The following FUBP3 variants were observed in gnomAD, a reference collection of about 807,000 sequenced individuals.
FUBP3 encodes far upstream element-binding protein 3.
A neutral mutation model predicts 85.6 loss-of-function variants in FUBP3; 28 were observed. That is an observed-to-expected ratio of 0.33 (90% CI 0.24 to 0.45). The LOEUF (loss-of-function observed/expected upper bound fraction) is 0.45, where lower values mean the gene tolerates loss of function less well. Among genes scored for constraint, FUBP3 ranks in the 20% least tolerant of loss-of-function variants. The pLI is 1.00. For synonymous variants in FUBP3, 271 were observed against 271.4 expected (o/e 1.00, Z 0.01); for missense variants, 583 against 755.1 (o/e 0.77, Z 2.67).
intron 1 of FUBP3, among the ~76,000 whole-genome samples, chr9:130,588,228 C>G (rs1173756519): frequency 6.6e-6 from 1 of 152,180 alleles, no homozygotes. Flanking sequence ...CTGGTTCTGC[C>G]ACTTAACTAG....
intron 2 of FUBP3, among the ~76,000 whole-genome samples, chr9:130,596,848 G>T (rs139226106): frequency 2.0e-5 from 3 of 152,292 alleles, no homozygotes; most frequent in African/African-American, 7.2e-5. Context: ...GGCCTGCAAT[G>T]TGAAATAAGC....
At chr9:130,600,906 G>A (rs1480092467) in intron 2 of FUBP3, among the ~76,000 whole-genome samples, 1 of 152,068 alleles carries the variant, frequency 6.6e-6, no homozygotes, top group African/African-American at 2.4e-5. Context: ...AGCCTGGGAG[G>A]TCAAGACCAC....
At position 130,630,907 on chromosome 9, in the gene FUBP3, C is replaced by T. The variant is rs116311101; in HGVS notation, c.1278+119C>T. On this transcript the variant is annotated intron_variant, in intron 13 of 18. Coordinates refer to ENST00000319725, the MANE Select transcript of FUBP3 (RefSeq NM_003934.2). ...TGTGCCTGTGGGTTCTCACATCACA[C>T]GAGGGCAAGCCCCCTCCTGCTTTGC... The T allele has an allele frequency of 2.9e-4, 220 of 770,042 alleles. No individual in the cohort carries two copies. The African/African-American group carries it at 3.7e-3, about 13-fold the overall frequency. The allele number at this position is 770,042 out of a possible 1,614,324, so 47.7% of individuals were successfully genotyped here.
intron 11 of FUBP3, 100 bp downstream of exon 11, chr9:130,623,811 G>A (rs967466772): frequency 1.8e-5 from 11 of 624,556 alleles, no homozygotes; most frequent in African/African-American, 3.8e-5. Context: ...ACCCTGAGGC[G>A]TCTCAAGTCA....
chr9:130,595,792 G>A (rs1217719409), intron 2 of FUBP3, among the ~76,000 whole-genome samples: 7 of 152,240 alleles, frequency 4.6e-5, no homozygotes, highest in Middle Eastern at 6.8e-3. Flanking sequence ...AAATCTTTTC[G>A]CTGGGCTCTG....
chr9:130,606,683 A>G (rs1184449261), intron 2 of FUBP3, among the ~76,000 whole-genome samples: 8 of 152,070 alleles, frequency 5.3e-5, no homozygotes, highest in East Asian at 1.9e-4. Context: ...AGCCGGGCGT[A>G]GTGGCGCATG....
intron 12 of FUBP3, among the ~76,000 whole-genome samples, chr9:130,628,779 A>AT (rs1312275897): frequency 3.3e-5 from 5 of 150,894 alleles, no homozygotes; most frequent in Admixed American, 6.6e-5. Context: ...ATTTTTTTTT[A>AT]TTTTTTTGAG....
chr9:130,604,791 G>A (rs185201587), intron 2 of FUBP3, among the ~76,000 whole-genome samples: 6 of 152,034 alleles, frequency 3.9e-5, no homozygotes, highest in Admixed American at 1.3e-4. Context: ...CCAGCTACTC[G>A]GGAGGCTGAG....
intron 1 of FUBP3, among the ~76,000 whole-genome samples, chr9:130,591,885 A>G (rs1318398181): frequency 6.6e-6 from 1 of 152,200 alleles, no homozygotes; most frequent in Non-Finnish European, 1.5e-5. Flanking sequence ...AAACTACTAC[A>G]TACGTTAGAA....
chr9:130,579,629 A>AGCGGCGGCGTCGGCGGCGTCGGCG lies in FUBP3; in HGVS notation c.-42_-19dup. 5 of 1,121,070 alleles carry AGCGGCGGCGTCGGCGGCGTCGGCG rather than the reference A, an allele frequency of 4.5e-6. No homozygotes were observed. Among genetic ancestry groups the AGCGGCGGCGTCGGCGGCGTCGGCG allele is most frequent in the Non-Finnish European group, 5.6e-6 (5 of 886,314 alleles). The allele number at this position is 1,121,070 out of a possible 1,614,324, so 69.4% of individuals were successfully genotyped here. A position where few individuals can be genotyped will look rare whatever the true frequency, so the allele number is the denominator to read the frequency against. The stretch of plus-strand genomic sequence containing the variant: ...AGCGGGAGGCCGGACCGGGGAGCCG[A>AGCGGCGGCGTCGGCGGCGTCGGCG]GCGGCGGCGTCGGCGGCGTCGGCGG... On this transcript the variant is annotated 5_prime_UTR_variant, in exon 1 of 19. Transcript: ENST00000319725.
chr9:130,596,847 T>C (rs1830897182), intron 2 of FUBP3, among the ~76,000 whole-genome samples: 1 of 152,200 alleles, frequency 6.6e-6, no homozygotes, highest in African/African-American at 2.4e-5. Context: ...AGGCCTGCAA[T>C]GTGAAATAAG....
chr9:130,637,375 G>A lies in FUBP3; in HGVS notation c.*353G>A, dbSNP rs1830455310. ...GTCCTTTTTATTTGCAGTTTTTTCT[G>A]TTGCAACAGAAAGTGGCTTGGAAGT... On this transcript the variant is annotated 3_prime_UTR_variant, in exon 19 of 19. Coordinates refer to ENST00000319725, the MANE Select transcript of FUBP3 (RefSeq NM_003934.2). The A allele has an allele frequency of 8.2e-6, 2 of 244,734 alleles. No individual in the cohort carries two copies. Among genetic ancestry groups the A allele is most frequent in the Admixed American group, 1.0e-4 (2 of 19,414 alleles). The allele number at this position is 244,734 out of a possible 1,614,324, so 15.2% of individuals were successfully genotyped here.
At chr9:130,610,080 G>A (rs1400735620) in intron 3 of FUBP3, 93 bp downstream of exon 3, 2 of 1,049,622 alleles carry the variant, frequency 1.9e-6, no homozygotes, top group Non-Finnish European at 2.9e-6. Flanking sequence ...GTCAGAGGTT[G>A]AGAATGTGAA....
rs1830037331 is a variant in FUBP3 at position 130,579,614 on chromosome 9, C to A, written c.-67C>A. ...CGGGTCCCCAAGCGGAGCGGGAGGC[C>A]GGACCGGGGAGCCGAGCGGCGGCGT... On this transcript the variant is annotated 5_prime_UTR_variant, in exon 1 of 19. Transcript: ENST00000319725. The A allele has an allele frequency of 9.8e-7, 1 of 1,018,946 alleles. No homozygotes were observed. Among genetic ancestry groups the A allele is most frequent in the Non-Finnish European group, 1.3e-6 (1 of 794,806 alleles). 63.1% of individuals were successfully genotyped at this position (1,018,946 alleles called of 1,614,324 possible).
chr9:130,599,392 T>TAC (rs1831038300), intron 2 of FUBP3, among the ~76,000 whole-genome samples: 1 of 151,914 alleles, frequency 6.6e-6, no homozygotes, highest in Non-Finnish European at 1.5e-5. Flanking sequence ...TGTATATATA[T>TAC]ATATATGTAA....
At chr9:130,600,126 TCTTTCC>T (rs1831083510) in intron 2 of FUBP3, among the ~76,000 whole-genome samples, 1 of 65,824 alleles carries the variant, frequency 1.5e-5, no homozygotes, top group African/African-American at 6.8e-5. Context: ...CCTCCCTCCC[TCTTTCC>T]CCCTCTTTTC....
At chr9:130,579,873 C>A in intron 1 of FUBP3, 109 bp downstream of exon 1, 2 of 648,204 alleles carry the variant, frequency 3.1e-6, no homozygotes, top group Non-Finnish European at 4.4e-6. Flanking sequence ...ACCGACGTCT[C>A]AGCCGGGCCG....
chr9:130,606,217 G>T (rs768792297), intron 2 of FUBP3, among the ~76,000 whole-genome samples: 3 of 152,086 alleles, frequency 2.0e-5, no homozygotes, highest in African/African-American at 7.2e-5. Flanking sequence ...AATCCTCACC[G>T]CTAAGTGTGT....
Position 130,626,364 on chromosome 9 carries a change from G to A in FUBP3, c.976G>A (p.Glu326Lys). 6.2e-7 allele frequency: 1 copy of A among 1,611,784 alleles called. No individual in the cohort carries two copies. The highest frequency in any genetic ancestry group is 8.5e-7 in the Non-Finnish European group (1 of 1,179,002). ...IISELILTAQ[E>K]RDGFGGLAAA... The stretch of plus-strand genomic sequence containing the variant: ...CGCTACAGCCCTGTGATCTTTCCAG[G>A]AAAGAGACGGCTTTGGAGGCCTGGC... Residue 326 changes from glutamate to lysine, a missense_variant and splice_region_variant, in exon 12 of 19, where the codon GAA becomes AAA. Physicochemically the swap from Glu to Lys is moderately conservative, Grantham distance 56. Around this residue, in one of 3 missense-constraint regions of FUBP3, gnomAD observed 404 missense variants for 516.8 expected, o/e 0.78. Transcript: ENST00000319725.
Sources: allele counts gnomAD v4.1 joint callset (sites outside exome capture counted in the v4.1 genomes callset), GRCh38; gene constraint gnomAD v4.1.1; regional missense constraint gnomAD v4.1.1; transcripts MANE v1.5; gene names NCBI Gene and HGNC (gene_info 2026-07-23, HGNC 2026-07-21).